The following COL5A1 variants were observed in gnomAD, a reference collection of about 807,000 sequenced individuals.
The protein encoded by COL5A1 is collagen alpha-1(V) chain.
A neutral mutation model predicts 263.7 loss-of-function variants in COL5A1; 16 were observed. The observed-to-expected ratio is 0.06, with a 90% CI of 0.04 to 0.09. The LOEUF is 0.09. COL5A1 is among the 10% of genes least tolerant of loss of function. The pLI is 1.00. For synonymous variants in COL5A1, 1,012 were observed against 1,004.5 expected (o/e 1.01, Z -0.14); for missense variants, 2,036 against 2,540.5 (o/e 0.80, Z 4.27).
chr9:134,721,447 C>T (rs1834453142), intron 4 of COL5A1, among the ~76,000 whole-genome samples: 2 of 152,140 alleles, frequency 1.3e-5, no homozygotes, highest in Non-Finnish European at 2.9e-5. Context: ...CCATCACTAT[C>T]TCGTCTCTGC....
chr9:134,704,194 C>G (rs1242559076), intron 4 of COL5A1, among the ~76,000 whole-genome samples: 1 of 152,128 alleles, frequency 6.6e-6, no homozygotes, highest in African/African-American at 2.4e-5. Context: ...GGTTTGCATC[C>G]TGGCTCCACT....
Position 134,802,024 on chromosome 9 carries a change from C to T in COL5A1, c.3006+17C>T, listed in dbSNP as rs140528268. The T allele has an allele frequency of 9.4e-5, 151 of 1,612,988 alleles. 1 individual carries two copies. In the African/African-American group the frequency reaches 1.3e-3, roughly 14 times the overall value. On this transcript the variant is annotated intron_variant, in intron 38 of 65. Transcript: ENST00000371817. ...GGCCCTCAGGTAAGCTCCAGCCTTC[C>T]CAGATTCCATGGGTCACTCGGTGTC...
chr9:134,776,023 C>A (rs533374974), intron 27 of COL5A1, among the ~76,000 whole-genome samples: 1 of 152,240 alleles, frequency 6.6e-6, no homozygotes, highest in African/African-American at 2.4e-5. Context: ...ACACTAAAAT[C>A]GAGGCTGCTG....
chr9:134,641,969 G>C lies in COL5A1; in HGVS notation c.-219G>C, dbSNP rs1230536350. On this transcript the variant is annotated 5_prime_UTR_variant, in exon 1 of 66. Coordinates refer to ENST00000371817, the MANE Select transcript of COL5A1 (RefSeq NM_000093.5). ...CCCAGCGGGGTCCCGGCCGCCCCGC[G>C]GGCCAAAGTCGAGCCCTCCCGCCCG... 5.0e-6 allele frequency: 2 copies of C among 402,222 alleles called. No individual in the cohort carries two copies. The highest frequency in any genetic ancestry group is 8.6e-6 in the Non-Finnish European group (2 of 231,332). The allele number at this position is 402,222 out of a possible 1,614,324, so 24.9% of individuals were successfully genotyped here. A position where few individuals can be genotyped will look rare whatever the true frequency, so the allele number is the denominator to read the frequency against.
At chr9:134,767,761 T>C (rs1290026818) in intron 24 of COL5A1, among the ~76,000 whole-genome samples, 2 of 152,254 alleles carry the variant, frequency 1.3e-5, no homozygotes, top group African/African-American at 4.8e-5. Context: ...TACTGTGTCC[T>C]AGGCCCTGGA....
At chr9:134,814,669 C>T (rs781484045) in intron 49 of COL5A1, 128 bp from the exon 50 acceptor site, 380 of 760,302 alleles carry the variant, frequency 5.0e-4, no homozygotes, top group Non-Finnish European at 7.5e-4. Flanking sequence ...GCAGCCAGCC[C>T]CCTGCAGGGC....
intron 37 of COL5A1, among the ~76,000 whole-genome samples, chr9:134,800,897 C>T (rs181973868): frequency 6.6e-6 from 1 of 152,360 alleles, no homozygotes; most frequent in Admixed American, 6.5e-5. Context: ...CTAGCTTGGC[C>T]TCAGGGCCAG....
At chr9:134,738,613 C>A in intron 10 of COL5A1, 98 bp downstream of exon 10, 1 of 1,563,588 alleles carries the variant, frequency 6.4e-7, no homozygotes, top group Non-Finnish European at 8.8e-7. Context: ...AAGAGGGGGG[C>A]TCTCCGCTTT....
chr9:134,802,082 G>T (rs948955270), intron 38 of COL5A1, 75 bp downstream of exon 38: 33 of 1,435,188 alleles, frequency 2.3e-5, no homozygotes, highest in Non-Finnish European at 3.0e-5. Flanking sequence ...CCCAGCCCGG[G>T]CATCTGTTCC....
At chr9:134,830,751 C>T (rs545227581) in intron 64 of COL5A1, among the ~76,000 whole-genome samples, 140 of 152,318 alleles carry the variant, frequency 9.2e-4, no homozygotes, top group African/African-American at 3.1e-3. Context: ...TGAAAGGAAA[C>T]GACATTGGCC....
chr9:134,747,838 GAC>G (rs536794074), intron 11 of COL5A1, among the ~76,000 whole-genome samples: 7 of 88,830 alleles, frequency 7.9e-5, no homozygotes, highest in East Asian at 3.7e-4. Flanking sequence ...TACACATGCA[GAC>G]ACATGCACAC....
At chr9:134,753,310 G>T (rs1408510707) in intron 14 of COL5A1, among the ~76,000 whole-genome samples, 1 of 152,218 alleles carries the variant, frequency 6.6e-6, no homozygotes, top group African/African-American at 2.4e-5. Context: ...TGGGCTGCCA[G>T]TGTCAGGCAC....
intron 4 of COL5A1, chr9:134,709,117 TG>T: frequency 2.7e-6 from 1 of 372,136 alleles, no homozygotes; most frequent in South Asian, 2.0e-5. Flanking sequence ...ATCTAGATTC[TG>T]GGAGTTCCGA....
At chr9:134,750,164 G>A (rs1835721201) in intron 11 of COL5A1, among the ~76,000 whole-genome samples, 2 of 152,226 alleles carry the variant, frequency 1.3e-5, no homozygotes, top group South Asian at 4.1e-4. Context: ...TTTGTTTCCT[G>A]TTGGGTATGG....
chr9:134,810,160 T>C (rs1331513059), intron 43 of COL5A1, 95 bp from the exon 44 acceptor site: 2 of 1,368,234 alleles, frequency 1.5e-6, no homozygotes, highest in African/African-American at 2.8e-5. Context: ...GAAAGGACAC[T>C]GTTCTTAATC....
chr9:134,785,216 C>T lies in COL5A1; in HGVS notation c.2592+120C>T, dbSNP rs990636217. 3.5e-5 allele frequency: 25 copies of T among 717,552 alleles called. No individual in the cohort carries two copies. In the East Asian group the frequency reaches 5.8e-4, roughly 17 times the overall value. 44.4% of individuals were successfully genotyped at this position (717,552 alleles called of 1,614,324 possible). On this transcript the variant is annotated intron_variant, in intron 30 of 65. Coordinates refer to ENST00000371817, the MANE Select transcript of COL5A1 (RefSeq NM_000093.5). The stretch of plus-strand genomic sequence containing the variant: ...GCATGGGGTGGGGGTGATTCCTGAG[C>T]GGGCTCCTGTCTCCACCCTGGGTTC...
intron 11 of COL5A1, 86 bp from the exon 12 acceptor site, chr9:134,750,456 C>T (rs960169390): frequency 1.7e-5 from 21 of 1,242,038 alleles, no homozygotes; most frequent in Admixed American, 5.1e-5. Flanking sequence ...CCGGGTGGGC[C>T]GCTTCTCCGA....
chr9:134,714,985 G>A (rs1427163327), intron 4 of COL5A1, among the ~76,000 whole-genome samples: 1 of 151,972 alleles, frequency 6.6e-6, no homozygotes. Flanking sequence ...TGGGTGGGAC[G>A]AGAGACTGAG....
Position 134,642,399 on chromosome 9 carries a change from C to A in COL5A1, c.109+103C>A. ...CGCCCGCAGAACTTTTCTTCCTTGG[C>A]CTGTGGAATGCACGGGCCAAGACCA... On this transcript the variant is annotated intron_variant, in intron 1 of 65. Transcript: ENST00000371817. This position sits in a 1 kb window ranked among gnomAD's most constrained non-coding sequence, Gnocchi z 4.5. The A allele has an allele frequency of 4.4e-6, 1 of 228,262 alleles. No homozygotes were observed. Among genetic ancestry groups the A allele is most frequent in the East Asian group, 1.1e-4 (1 of 8,714 alleles). 14.1% of individuals were successfully genotyped at this position (228,262 alleles called of 1,614,324 possible). A position where few individuals can be genotyped will look rare whatever the true frequency, so the allele number is the denominator to read the frequency against.
Sources: gnomAD v4.1 joint callset for allele counts (sites outside exome capture counted in the v4.1 genomes callset) on GRCh38, gnomAD v4.1.1 for gene constraint, Gnocchi (gnomAD v3.1) non-coding constraint, MANE v1.5 for transcripts, NCBI Gene and HGNC (gene_info 2026-07-23, HGNC 2026-07-21) for gene names.